QKI: variants seen among roughly 807,000 people sequenced by gnomAD.
QKI encodes QKI, KH domain containing RNA binding, also known as KH domain-containing RNA-binding protein QKI.
In QKI, 10 loss-of-function variants were observed where a neutral mutation model predicts 39.0. That is an observed-to-expected ratio of 0.26 (90% CI 0.16 to 0.43). QKI has a LOEUF of 0.43. QKI is among the 20% of genes least tolerant of loss of function. The pLI, the probability that QKI is intolerant of heterozygous loss-of-function variation, is 1.00. For missense variants in QKI, 218 were observed against 428.0 expected, an observed-to-expected ratio of 0.51 and a Z score of 4.33; for synonymous variants, 204 against 155.4, an observed-to-expected ratio of 1.31 and a Z score of -2.33.
chr6:163,457,383 G>A (rs1423508215), intron 2 of QKI: 2 of 455,978 alleles, frequency 4.4e-6, no homozygotes, highest in South Asian at 3.1e-5. Context: ...TCCTCCAGTT[G>A]TGACTTCTTG....
intron 2 of QKI, among the ~76,000 whole-genome samples, chr6:163,467,743 T>C (rs972783094): frequency 3.3e-5 from 5 of 152,202 alleles, no homozygotes; most frequent in African/African-American, 1.2e-4. Context: ...CATAAGATGC[T>C]CGTTTTCCCT....
intron 1 of QKI, among the ~76,000 whole-genome samples, chr6:163,453,211 C>G (rs1470111292): frequency 6.6e-6 from 1 of 150,728 alleles, no homozygotes; most frequent in Non-Finnish European, 1.5e-5. Context: ...CAATATTGAA[C>G]TATTCTTGCA....
At chr6:163,466,883 T>C (rs1791800604) in intron 2 of QKI, among the ~76,000 whole-genome samples, 1 of 152,038 alleles carries the variant, frequency 6.6e-6, no homozygotes, top group African/African-American at 2.4e-5. Flanking sequence ...CAGGACTACA[T>C]CAAGCTGACA....
rs1783853448 is a variant in QKI at position 163,574,223 on chromosome 6, T to C, written c.*3513T>C. 6.6e-6 allele frequency: 1 copy of C among 152,248 alleles called. No individual in the cohort carries two copies. Among genetic ancestry groups the C allele is most frequent in the South Asian group, 2.1e-4 (1 of 4,838 alleles). 9.4% of individuals were successfully genotyped at this position (152,248 alleles called of 1,614,324 possible). ...TACCTGGAGAAACCAGTTTGATTCT[T>C]TGTTGAACCATTTCTTTTAATTTCT... is the stretch of plus-strand genomic sequence containing the variant. On this transcript the variant is annotated 3_prime_UTR_variant, in exon 8 of 8. Transcript: ENST00000361752.
At chr6:163,447,862 C>T (rs1277776187) in intron 1 of QKI, among the ~76,000 whole-genome samples, 2 of 152,116 alleles carry the variant, frequency 1.3e-5, no homozygotes, top group Non-Finnish European at 2.9e-5. Context: ...TTTCTACTCT[C>T]CTAATAGGTG....
intron 2 of QKI, among the ~76,000 whole-genome samples, chr6:163,461,392 C>CT (rs1315722031): frequency 1.3e-5 from 2 of 152,114 alleles, no homozygotes; most frequent in Non-Finnish European, 2.9e-5. Context: ...AATGCAGGCA[C>CT]TTTCTTTTAT....
At chr6:163,506,614 A>G (rs1443199280) in intron 3 of QKI, among the ~76,000 whole-genome samples, 2 of 152,168 alleles carry the variant, frequency 1.3e-5, no homozygotes, top group African/African-American at 4.8e-5. Context: ...CTTTGATCCT[A>G]TAACTTAGCC....
chr6:163,567,764 G>T, intron 7 of QKI: 1 of 984,994 alleles, frequency 1.0e-6, no homozygotes, highest in South Asian at 4.7e-5. Context: ...TGGCACATTT[G>T]TTTCCTACAA....
chr6:163,415,369 C>G (rs373209224), intron 1 of QKI, 34 bp downstream of exon 1: 2 of 1,562,978 alleles, frequency 1.3e-6, no homozygotes, highest in Non-Finnish European at 8.7e-7. Context: ...CCCGGCCCGA[C>G]CCCCGCCGGG....
intron 3 of QKI, among the ~76,000 whole-genome samples, chr6:163,505,158 A>C (rs1316061427): frequency 6.6e-6 from 1 of 152,130 alleles, no homozygotes; most frequent in African/African-American, 2.4e-5. Flanking sequence ...AGCTTTGAGA[A>C]TCTTTGCCTA....
In QKI at chr6:163,571,822, T is replaced by G. The variant is rs1179483937; in HGVS notation, c.*1112T>G. 6.6e-6 allele frequency: 1 copy of G among 152,168 alleles called. No individual in the cohort carries two copies. The highest frequency in any genetic ancestry group is 1.5e-5 in the Non-Finnish European group (1 of 68,026). The allele number at this position is 152,168 out of a possible 1,614,324, so 9.4% of individuals were successfully genotyped here. A position where few individuals can be genotyped will look rare whatever the true frequency, so the allele number is the denominator to read the frequency against. ...CCAAAAGAGCCTTTTTGTCTTTCTT[T>G]TTTATTTTTTAAGTATTGGAATAAG... On this transcript the variant is annotated 3_prime_UTR_variant, in exon 8 of 8. Transcript: ENST00000361752.
At chr6:163,460,753 C>T (rs1354011161) in intron 2 of QKI, among the ~76,000 whole-genome samples, 5 of 152,160 alleles carry the variant, frequency 3.3e-5, no homozygotes, top group Non-Finnish European at 7.3e-5. Flanking sequence ...TCTTGATGTA[C>T]ACTACTTTCA....
At chr6:163,540,882 T>C (rs878893782) in intron 4 of QKI, among the ~76,000 whole-genome samples, 56 of 152,228 alleles carry the variant, frequency 3.7e-4, no homozygotes, top group Middle Eastern at 6.8e-3. Context: ...ATCTACTTTT[T>C]TTTTCTTCCT....
At chr6:163,460,983 A>G (rs1791309767) in intron 2 of QKI, among the ~76,000 whole-genome samples, 1 of 152,188 alleles carries the variant, frequency 6.6e-6, no homozygotes, top group Non-Finnish European at 1.5e-5. Flanking sequence ...GTTAGTACAT[A>G]TTTGTATTCA....
At chr6:163,439,347 T>G (rs1208090098) in intron 1 of QKI, among the ~76,000 whole-genome samples, 2 of 148,342 alleles carry the variant, frequency 1.3e-5, no homozygotes, top group Non-Finnish European at 3.0e-5. Context: ...TTTGTTTTTT[T>G]TTTTTTTCGG....
chr6:163,568,755 T>C (rs1783525857), intron 7 of QKI: 1 of 985,246 alleles, frequency 1.0e-6, no homozygotes, highest in Non-Finnish European at 1.2e-6. Flanking sequence ...ACTACATGGT[T>C]GACCAATATC....
At chr6:163,529,613 T>A (rs1040615545) in intron 3 of QKI, among the ~76,000 whole-genome samples, 1 of 152,166 alleles carries the variant, frequency 6.6e-6, no homozygotes, top group Non-Finnish European at 1.5e-5. Context: ...CATAAACTTA[T>A]GGGTGTCAAA....
In QKI at chr6:163,415,203, G is replaced by C; in HGVS notation, c.10G>C (p.Glu4Gln). 1.3e-6 allele frequency: 2 copies of C among 1,581,748 alleles called. No individual in the cohort carries two copies. The highest frequency in any genetic ancestry group is 1.7e-6 in the Non-Finnish European group (2 of 1,160,704). Residue 4 changes from glutamate (E) to glutamine (Q), a missense_variant, in exon 1 of 8, where the codon GAA (glutamate) becomes CAA (glutamine). Physicochemically the swap from Glu to Gln is conservative, Grantham distance 29. This residue lies in a region of QKI where 40 missense variants were observed against 48.7 expected (regional missense o/e 0.82). Transcript: ENST00000361752. Reference sequence around the variant, plus strand: ...CTGCGGAGCCTGGAATATGGTCGGGGAAATGGAAACGAAGGAGAAGCCGAA... The same window carrying C: ...CTGCGGAGCCTGGAATATGGTCGGGCAAATGGAAACGAAGGAGAAGCCGAA... Reference protein sequence around the residue: MVGEMETKEKPKPT... With the variant: MVGQMETKEKPKPT...
intron 2 of QKI, among the ~76,000 whole-genome samples, chr6:163,469,985 A>G (rs534930996): frequency 2.0e-5 from 3 of 152,192 alleles, no homozygotes; most frequent in Non-Finnish European, 2.9e-5. Context: ...GACTGACAAG[A>G]TAATGCAGGC....
Sources: allele counts gnomAD v4.1 joint callset (sites outside exome capture counted in the v4.1 genomes callset), GRCh38; gene constraint gnomAD v4.1.1; regional missense constraint gnomAD v4.1.1; transcripts MANE v1.5; gene names NCBI Gene and HGNC (gene_info 2026-07-23, HGNC 2026-07-21).